Variants in CNTLN observed in about 807,000 individuals in gnomAD.
The protein encoded by CNTLN is centlein, centrosomal protein.
Under a neutral mutation model 180.0 loss-of-function variants are expected in CNTLN, and 212 were observed. The observed-to-expected ratio is 1.18, with a 90% CI of 1.05 to 1.32. CNTLN has a LOEUF of 1.32. CNTLN is among the 40% of genes most tolerant of loss of function. The pLI is 0.00. For missense variants in CNTLN, 2,095 were observed against 1,610.9 expected, an observed-to-expected ratio of 1.30 and a Z score of -5.14; for synonymous variants, 722 against 563.1, an observed-to-expected ratio of 1.28 and a Z score of -3.99.
intron 7 of CNTLN, chr9:17,301,635 A>C (rs1177460908): frequency 1.0e-6 from 1 of 978,918 alleles, no homozygotes; most frequent in Non-Finnish European, 1.2e-6. Context: ...TTAATTTTGT[A>C]GTTGTTTTAG....
At chr9:17,481,585 A>G (rs1484108832) in intron 23 of CNTLN, among the ~76,000 whole-genome samples, 1 of 152,074 alleles carries the variant, frequency 6.6e-6, no homozygotes, top group African/African-American at 2.4e-5. Flanking sequence ...ATGCAGCCCA[A>G]TGTGCAGCCC....
chr9:17,300,492 C>G (rs1333508612), intron 7 of CNTLN: 2 of 152,192 alleles, frequency 1.3e-5, no homozygotes, highest in African/African-American at 4.8e-5. Flanking sequence ...AGTACAGGTG[C>G]AGAATTCGAC....
chr9:17,241,299 G>A (rs1310821943), intron 5 of CNTLN, among the ~76,000 whole-genome samples: 1 of 152,196 alleles, frequency 6.6e-6, no homozygotes, highest in Non-Finnish European at 1.5e-5. Context: ...TCCCAGCACA[G>A]TTAACTGAAG....
Position 17,482,819 on chromosome 9 carries a change from T to C in CNTLN, c.3856-1476T>C, listed in dbSNP as rs143808984. Among the ~76,000 whole-genome samples, 55 of 152,294 alleles carry C rather than the reference T, an allele frequency of 3.6e-4. 1 individual carries two copies. The highest frequency in any genetic ancestry group is 1.4e-3 in the Admixed American group (22 of 15,306). ...ATTTATGAAACCACTTGGAGAAAGA[T>C]GGACTGCTAAGTGGTGATGGGACAA... On this transcript the variant is annotated intron_variant, in intron 23 of 25. Coordinates refer to ENST00000380647, the MANE Select transcript of CNTLN (RefSeq NM_017738.4).
chr9:17,326,264 T>C (rs1820285804), intron 8 of CNTLN, among the ~76,000 whole-genome samples: 1 of 152,118 alleles, frequency 6.6e-6, no homozygotes, highest in Admixed American at 6.5e-5. Context: ...ATTTCAAGAA[T>C]GTAAACTAAA....
At chr9:17,299,571 G>C in intron 7 of CNTLN, 1 of 985,256 alleles carries the variant, frequency 1.0e-6, no homozygotes, top group Non-Finnish European at 1.2e-6. Flanking sequence ...TGTGTGTTTT[G>C]TGTTGCCTTT....
chr9:17,198,314 T>G (rs1057224349), intron 2 of CNTLN, among the ~76,000 whole-genome samples: 4 of 151,978 alleles, frequency 2.6e-5, no homozygotes, highest in Non-Finnish European at 5.9e-5. Context: ...AATCTGTAGA[T>G]GGCTTTGGGT....
chr9:17,400,292 A>G (rs928306543), intron 15 of CNTLN, among the ~76,000 whole-genome samples: 2 of 151,988 alleles, frequency 1.3e-5, no homozygotes, highest in African/African-American at 2.4e-5. Context: ...CGCACACCAC[A>G]ATGCCCGGCT....
chr9:17,309,744 A>G (rs983397322), intron 8 of CNTLN, among the ~76,000 whole-genome samples: 1 of 152,074 alleles, frequency 6.6e-6, no homozygotes, highest in African/African-American at 2.4e-5. Flanking sequence ...GTATAAATGT[A>G]TAGATAAATA....
chr9:17,257,006 A>C (rs1826545756), intron 5 of CNTLN, among the ~76,000 whole-genome samples: 3 of 151,920 alleles, frequency 2.0e-5, no homozygotes. Context: ...TTTAAGTTTT[A>C]GGGTACATGT....
chr9:17,294,039 G>A (rs963397110), intron 6 of CNTLN, among the ~76,000 whole-genome samples: 9 of 152,152 alleles, frequency 5.9e-5, no homozygotes, highest in African/African-American at 1.9e-4. Flanking sequence ...CGGCGTGTCC[G>A]GAGTTTGTTC....
chr9:17,223,300 A>G (rs544837611), intron 2 of CNTLN, among the ~76,000 whole-genome samples: 1 of 152,158 alleles, frequency 6.6e-6, no homozygotes, highest in South Asian at 2.1e-4. Context: ...AACTGAGGGT[A>G]AGGGGGAACT....
intron 23 of CNTLN, 83 bp from the exon 24 acceptor site, chr9:17,484,212 G>C: frequency 9.4e-7 from 1 of 1,063,774 alleles, no homozygotes; most frequent in African/African-American, 1.6e-5. Flanking sequence ...TGATTTGTTA[G>C]TATCTTCATA....
In CNTLN at chr9:17,388,117, C is replaced by T. The variant is rs751791911; in HGVS notation, c.1988-45C>T. 7 of 1,227,436 alleles carry T rather than the reference C, an allele frequency of 5.7e-6. No homozygotes were observed. In the South Asian group the frequency reaches 7.2e-5, roughly 13 times the overall value. 76.0% of individuals were successfully genotyped at this position (1,227,436 alleles called of 1,614,324 possible). On this transcript the variant is annotated intron_variant, in intron 13 of 25. Transcript: ENST00000380647. ...TTCTTAAAATGACAGGACAGTATTT[C>T]AGCAGTACACGTGGTATCATAATAT... is the stretch of plus-strand genomic sequence containing the variant.
chr9:17,509,941 C>T, the CNTLN span, among the ~76,000 whole-genome samples: 1 of 152,148 alleles, frequency 6.6e-6, no homozygotes, highest in East Asian at 1.9e-4. Context: ...AAGCAACAGA[C>T]AAAGAAGGGG....
the CNTLN span, among the ~76,000 whole-genome samples, chr9:17,512,538 G>A: frequency 6.6e-6 from 1 of 152,136 alleles, no homozygotes; most frequent in Non-Finnish European, 1.5e-5. Context: ...GGCAAGTGTT[G>A]GAGAAACTAC....
chr9:17,194,003 A>G (rs955784710), intron 2 of CNTLN, among the ~76,000 whole-genome samples: 6 of 152,298 alleles, frequency 3.9e-5, no homozygotes, highest in African/African-American at 1.4e-4. Flanking sequence ...CCATGGCTCA[A>G]ACTTTACGTT....
intron 2 of CNTLN, among the ~76,000 whole-genome samples, chr9:17,163,330 T>C (rs1335122505): frequency 6.6e-6 from 1 of 152,206 alleles, no homozygotes. Context: ...ATGCATTGTT[T>C]TATTGTTATG....
chr9:17,158,330 A>G (rs1822502413), intron 2 of CNTLN, among the ~76,000 whole-genome samples: 2 of 151,984 alleles, frequency 1.3e-5, no homozygotes, highest in South Asian at 2.1e-4. Flanking sequence ...ATACCTATTT[A>G]TAAGAGGTAC....
Sources: gnomAD v4.1 joint callset for allele counts (sites outside exome capture counted in the v4.1 genomes callset) on GRCh38, gnomAD v4.1.1 for gene constraint, MANE v1.5 for transcripts, NCBI Gene and HGNC (gene_info 2026-07-23, HGNC 2026-07-21) for gene names.